Variants in MMP11 observed in about 807,000 individuals in gnomAD.
The protein encoded by MMP11 is stromelysin-3.
Under a neutral mutation model 49.5 loss-of-function variants are expected in MMP11, and 26 were observed. That is an observed-to-expected ratio of 0.52 (90% CI 0.38 to 0.73). MMP11 has a LOEUF of 0.73. MMP11 is among the 30% of genes least tolerant of loss of function. MMP11 has a pLI of 0.00. For missense variants in MMP11, 624 were observed against 671.2 expected, an observed-to-expected ratio of 0.93 and a Z score of 0.78; for synonymous variants, 265 against 282.3, an observed-to-expected ratio of 0.94 and a Z score of 0.62.
rs1176362861 is a variant in MMP11 at position 23,781,385 on chromosome 22, C to T, written c.1051C>T (p.Gln351Ter). The T allele has an allele frequency of 2.5e-6, 4 of 1,609,026 alleles. No individual in the cohort carries two copies. Among genetic ancestry groups the T allele is most frequent in the Non-Finnish European group, 3.4e-6 (4 of 1,177,732 alleles). ...SPVDAAFEDA[Q>*]GHIWFFQGAQ... is the part of the protein sequence containing the mutation. ...TGTGGACGCTGCCTTCGAGGATGCC[C>T]AGGGCCACATTTGGTTCTTCCAAGG... The change falls in exon 6 of 8, where the codon CAG becomes TAG. Residue 351 changes from glutamine to a stop codon, truncating the protein, a stop_gained. Transcript: ENST00000215743. LOFTEE classifies it high-confidence loss of function.
rs1927626775 is a variant in MMP11 at position 23,781,354 on chromosome 22, C to G, written c.1020C>G (p.Pro340=). The G allele has an allele frequency of 6.2e-7, 1 of 1,613,446 alleles. No individual in the cohort carries two copies. Among genetic ancestry groups the G allele is most frequent in the Non-Finnish European group, 8.5e-7 (1 of 1,179,836 alleles). The change falls in exon 6 of 8, where the codon CCC becomes CCG. Residue 340 remains proline, a synonymous_variant. Transcript: ENST00000215743. ...ALASRHWQGL[P]SPVDAAFEDA... ...CCTCTCGCCACTGGCAGGGACTGCC[C>G]AGCCCTGTGGACGCTGCCTTCGAGG...
chr22:23,773,170 C>G (rs894000928), intron 1 of MMP11, among the ~76,000 whole-genome samples, 192 bp downstream of exon 1: 1 of 152,100 alleles, frequency 6.6e-6, no homozygotes, highest in Non-Finnish European at 1.5e-5. Flanking sequence ...GAAGGGGAGC[C>G]GGCGCCGGCA....
In MMP11 at chr22:23,772,969, T is replaced by A; in HGVS notation, c.99T>A (p.Ala33=). 1 of 1,207,202 alleles carries A rather than the reference T, an allele frequency of 8.3e-7. No homozygotes were observed. Among genetic ancestry groups the A allele is most frequent in the South Asian group, 3.1e-5 (1 of 31,832 alleles). 74.8% of individuals were successfully genotyped at this position (1,207,202 alleles called of 1,614,324 possible). ...AGCCGCCGCCGCTGCTGGCCCGGGC[T>A]CTGCCGCCGGTGAGTGCCCGCCACT... ...LLQPPPLLAR[A]LPPDAHHLHA... The change falls in exon 1 of 8, where the codon GCT becomes GCA. Residue 33 remains alanine, a synonymous_variant. Transcript: ENST00000215743.
At chr22:23,774,326 G>A in intron 1 of MMP11, among the ~76,000 whole-genome samples, 1 of 152,194 alleles carries the variant, frequency 6.6e-6, no homozygotes, top group African/African-American at 2.4e-5. Flanking sequence ...GTCAGTGCTG[G>A]AGCTGGGGGC....
At chr22:23,773,597 G>A (rs925433820) in intron 1 of MMP11, among the ~76,000 whole-genome samples, 11 of 152,180 alleles carry the variant, frequency 7.2e-5, no homozygotes, top group African/African-American at 2.7e-4. Context: ...AGAAAGAAGC[G>A]GGGAGAGAAA....
At chr22:23,778,262 T>C (rs1206593417) in intron 1 of MMP11, among the ~76,000 whole-genome samples, 1 of 152,246 alleles carries the variant, frequency 6.6e-6, no homozygotes, top group Non-Finnish European at 1.5e-5. Context: ...TTGCAGGGTC[T>C]CCAACCTCTC....
Position 23,780,833 on chromosome 22 carries a change from G to A in MMP11, c.617-26G>A. The stretch of plus-strand genomic sequence containing the variant: ...GATGTCCTGGGCAGGAGGTTCGGGG[G>A]TTGCTGAGCCACCTCCCTTTTTCAG... On this transcript the variant is annotated intron_variant, in intron 4 of 7. Coordinates refer to ENST00000215743, the MANE Select transcript of MMP11 (RefSeq NM_005940.5). This position sits in a 1 kb window ranked among gnomAD's most constrained non-coding sequence, Gnocchi z 4.6. 1.9e-6 allele frequency: 3 copies of A among 1,603,388 alleles called. No individual in the cohort carries two copies. The highest frequency in any genetic ancestry group is 1.7e-4 in the Middle Eastern group (1 of 6,002).
Position 23,780,128 on chromosome 22 carries a change from G to A in MMP11, c.339-231G>A. 1.7e-6 allele frequency: 1 copy of A among 591,104 alleles called. No individual in the cohort carries two copies. The highest frequency in any genetic ancestry group is 3.0e-6 in the Non-Finnish European group (1 of 335,216). The allele number at this position is 591,104 out of a possible 1,614,324, so 36.6% of individuals were successfully genotyped here. A position where few individuals can be genotyped will look rare whatever the true frequency, so the allele number is the denominator to read the frequency against. On this transcript the variant is annotated intron_variant, in intron 2 of 7. Coordinates refer to ENST00000215743, the MANE Select transcript of MMP11 (RefSeq NM_005940.5). The surrounding 1 kb of genome is among the most constrained non-coding windows in gnomAD (Gnocchi z 4.6). ...TGGGGGTCTCGGGACCCCTGGTCCTGGTTCTTTCCACTGAATTCAGACACT... is the reference window on the plus strand; with the variant it reads ...TGGGGGTCTCGGGACCCCTGGTCCTAGTTCTTTCCACTGAATTCAGACACT...
intron 7 of MMP11, 41 bp downstream of exon 7, chr22:23,782,524 C>T: frequency 1.3e-6 from 2 of 1,565,148 alleles, no homozygotes; most frequent in Non-Finnish European, 1.7e-6. Flanking sequence ...GTGGGCACAG[C>T]AGCCGCTTCT....
chr22:23,773,764 A>C (rs551050977), intron 1 of MMP11, among the ~76,000 whole-genome samples: 1 of 152,324 alleles, frequency 6.6e-6, no homozygotes, highest in Non-Finnish European at 1.5e-5. Flanking sequence ...GGCACCAGTC[A>C]CAGGGCCTGG....
Position 23,780,866 on chromosome 22 carries a change from C to G in MMP11, c.624C>G (p.Asp208Glu). 6.2e-7 allele frequency: 1 copy of G among 1,613,320 alleles called. No individual in the cohort carries two copies. Among genetic ancestry groups the G allele is most frequent in the Non-Finnish European group, 8.5e-7 (1 of 1,179,610 alleles). The change falls in exon 5 of 8, where the codon GAC becomes GAG. Residue 208 changes from aspartate (D) to glutamate (E), a missense_variant. By Grantham distance (45) the Asp-to-Glu change is conservative. Transcript: ENST00000215743. The surrounding 1 kb of genome is among the most constrained non-coding windows in gnomAD (Gnocchi z 4.6). ...GCCACCTCCCTTTTTCAGGCACAGA[C>G]CTGCTGCAGGTGGCAGCCCATGAAT... is the stretch of plus-strand genomic sequence containing the variant. Reference protein sequence around the residue: ...TWTIGDDQGTDLLQVAAHEFG... With the variant: ...TWTIGDDQGTELLQVAAHEFG...
chr22:23,780,183 T>A lies in MMP11; in HGVS notation c.339-176T>A. On this transcript the variant is annotated intron_variant, in intron 2 of 7. Transcript: ENST00000215743. This position sits in a 1 kb window ranked among gnomAD's most constrained non-coding sequence, Gnocchi z 4.6. ...TTTGCCTAAGTATGAGCAAACCACA[T>A]ACACATGTGCCCATGTGGCCAGGGA... is the stretch of plus-strand genomic sequence containing the variant. 1.4e-6 allele frequency: 1 copy of A among 711,460 alleles called. No individual in the cohort carries two copies. The highest frequency in any genetic ancestry group is 1.8e-5 in the South Asian group (1 of 54,944). 44.1% of individuals were successfully genotyped at this position (711,460 alleles called of 1,614,324 possible).
At chr22:23,781,474 A>T in intron 6 of MMP11, 65 bp downstream of exon 6, 2 of 1,424,658 alleles carry the variant, frequency 1.4e-6, no homozygotes, top group Non-Finnish European at 9.6e-7. Context: ...GGCCAAGGGC[A>T]GGAACAGACA....
chr22:23,779,691 T>TA, intron 2 of MMP11: 1 of 524,698 alleles, frequency 1.9e-6, no homozygotes, highest in South Asian at 2.6e-5. Context: ...GGGTGTTCAG[T>TA]CACTCAGGCA....
chr22:23,783,523 G>A lies in MMP11; in HGVS notation c.1446G>A (p.Glu482=). 1 of 1,614,228 alleles carries A rather than the reference G, an allele frequency of 6.2e-7. No individual in the cohort carries two copies. Residue 482 remains glutamate (E), a synonymous_variant, in exon 8 of 8, where the codon GAG becomes GAA. Coordinates refer to ENST00000215743, the MANE Select transcript of MMP11 (RefSeq NM_005940.5). ...LVGPDFFGCA[E]PANTFL ...GTCCTGACTTCTTTGGCTGTGCCGAGCCTGCCAACACTTTCCTCTGACCAT... is the reference window on the plus strand; with the variant it reads ...GTCCTGACTTCTTTGGCTGTGCCGAACCTGCCAACACTTTCCTCTGACCAT...
chr22:23,772,941 T>C lies in MMP11; in HGVS notation c.71T>C (p.Leu24Pro). The change falls in exon 1 of 8, where the codon CTC becomes CCC. Residue 24 changes from leucine to proline, a missense_variant. Physicochemically the swap from Leu to Pro is moderately conservative, Grantham distance 98. Coordinates refer to ENST00000215743, the MANE Select transcript of MMP11 (RefSeq NM_005940.5). The part of the protein sequence containing the change: ...ALLPPMLLLL[L>P]QPPPLLARAL... Reference sequence around the variant, plus strand: ...CTGCCCCCGATGCTGCTGCTGCTGCTCCAGCCGCCGCCGCTGCTGGCCCGG... The same window carrying C: ...CTGCCCCCGATGCTGCTGCTGCTGCCCCAGCCGCCGCCGCTGCTGGCCCGG... 2 of 1,216,238 alleles carry C rather than the reference T, an allele frequency of 1.6e-6. No homozygotes were observed. The highest frequency in any genetic ancestry group is 2.1e-6 in the Non-Finnish European group (2 of 973,946). The allele number at this position is 1,216,238 out of a possible 1,614,324, so 75.3% of individuals were successfully genotyped here. A position where few individuals can be genotyped will look rare whatever the true frequency, so the allele number is the denominator to read the frequency against.
In MMP11 at chr22:23,779,421, G is replaced by C. The variant is rs748229073; in HGVS notation, c.338+5G>C. 3 of 1,606,984 alleles carry C rather than the reference G, an allele frequency of 1.9e-6. No individual in the cohort carries two copies. The South Asian group carries it at 3.3e-5, about 18-fold the overall frequency. On this transcript the variant is annotated splice_donor_5th_base_variant and intron_variant, in intron 2 of 7. Coordinates refer to ENST00000215743, the MANE Select transcript of MMP11 (RefSeq NM_005940.5). ...GAAGACGGACCTCACCTACAGGTAGGGGCCTGGGAGCAGGACACTAGGATG... is the reference window on the plus strand; with the variant it reads ...GAAGACGGACCTCACCTACAGGTAGCGGCCTGGGAGCAGGACACTAGGATG...
intron 1 of MMP11, among the ~76,000 whole-genome samples, chr22:23,778,432 G>A (rs913315167): frequency 3.3e-5 from 5 of 152,178 alleles, no homozygotes; most frequent in African/African-American, 4.8e-5. Context: ...CACCCTCCCC[G>A]CTTGAAGAAG....
rs1042108791 is a variant in MMP11, at chr22:23,780,006, T to C, written c.339-353T>C. The C allele has an allele frequency of 5.8e-6, 2 of 341,974 alleles. No homozygotes were observed. The highest frequency in any genetic ancestry group is 2.1e-5 in the African/African-American group (1 of 48,584). The allele number at this position is 341,974 out of a possible 1,614,324, so 21.2% of individuals were successfully genotyped here. ...TGTCACACAGCATTGGAGCTGAGACTGGGGTCTTTAGAATTTCCTAGGTGG... is the reference window on the plus strand; with the variant it reads ...TGTCACACAGCATTGGAGCTGAGACCGGGGTCTTTAGAATTTCCTAGGTGG... On this transcript the variant is annotated intron_variant, in intron 2 of 7. Transcript: ENST00000215743. This position sits in a 1 kb window ranked among gnomAD's most constrained non-coding sequence, Gnocchi z 4.6.
Sources: gnomAD v4.1 joint callset for allele counts (sites outside exome capture counted in the v4.1 genomes callset) on GRCh38, gnomAD v4.1.1 for gene constraint, Gnocchi (gnomAD v3.1) non-coding constraint, MANE v1.5 for transcripts, NCBI Gene and HGNC (gene_info 2026-07-23, HGNC 2026-07-21) for gene names.